Variants in NRG3 observed in about 807,000 individuals in gnomAD.
NRG3 encodes the protein neuregulin 3, also known as pro-neuregulin-3, membrane-bound isoform.
NRG3 carries 31 observed loss-of-function variants against 66.9 expected under a neutral mutation model. The ratio of observed to expected loss-of-function variants is 0.46; its 90% CI spans 0.35 to 0.63. The LOEUF is 0.63. Ranked by LOEUF, NRG3 falls within the 20% of genes least tolerant of loss-of-function variation. The pLI, the probability that NRG3 is intolerant of heterozygous loss-of-function variation, is 0.00. For missense variants in NRG3, 910 were observed against 878.9 expected (o/e 1.04, Z -0.45); for synonymous variants, 393 against 359.4 (o/e 1.09, Z -1.06).
intron 1 of NRG3, among the ~76,000 whole-genome samples, chr10:82,078,143 T>G (rs1244597410): frequency 6.6e-6 from 1 of 152,220 alleles, no homozygotes; most frequent in Non-Finnish European, 1.5e-5. Context: ...TTAATTATTC[T>G]ATTTACCTAC....
At chr10:82,892,345 A>T (rs1843230739) in intron 4 of NRG3, among the ~76,000 whole-genome samples, 1 of 152,120 alleles carries the variant, frequency 6.6e-6, no homozygotes, top group Non-Finnish European at 1.5e-5. Context: ...GGCACAAGAG[A>T]TTCAAAGAGA....
chr10:82,174,098 A>G (rs1048954799), intron 1 of NRG3, among the ~76,000 whole-genome samples: 4 of 152,096 alleles, frequency 2.6e-5, no homozygotes, highest in African/African-American at 4.8e-5. Context: ...AAAATTACCC[A>G]TGTGTGGTAC....
intron 2 of NRG3, among the ~76,000 whole-genome samples, chr10:82,389,039 A>G (rs923504786): frequency 3.3e-5 from 5 of 152,210 alleles, no homozygotes; most frequent in African/African-American, 1.2e-4. Flanking sequence ...AGAAAATACT[A>G]GAACTACTCA....
At chr10:82,121,591 A>G (rs2068094675) in intron 1 of NRG3, among the ~76,000 whole-genome samples, 1 of 152,036 alleles carries the variant, frequency 6.6e-6, no homozygotes, top group African/African-American at 2.4e-5. Flanking sequence ...TTTAGATGAC[A>G]TGTTAGAGTT....
rs184808798 is a variant in NRG3, at chr10:82,618,879, A to G, written c.954-119698A>G. Among the ~76,000 whole-genome samples the G allele has an allele frequency of 1.3e-4, 20 of 152,118 alleles. No individual in the cohort carries two copies. The East Asian group carries it at 2.7e-3, about 21-fold the overall frequency. ...TTTTATGGACGTGTTTAAAGTTTGTAGCAGTGCAAAATTTTAACATATTTC... is the reference window on the plus strand; with the variant it reads ...TTTTATGGACGTGTTTAAAGTTTGTGGCAGTGCAAAATTTTAACATATTTC... On this transcript the variant is annotated intron_variant, in intron 2 of 8. Coordinates refer to ENST00000372141, the MANE Select transcript of NRG3 (RefSeq NM_001010848.4).
intron 2 of NRG3, among the ~76,000 whole-genome samples, chr10:82,366,700 A>G (rs1322358406): frequency 2.0e-5 from 3 of 152,132 alleles, no homozygotes; most frequent in Non-Finnish European, 4.4e-5. Context: ...TTTGCAGAAA[A>G]GAAAAATACA....
At chr10:82,331,216 T>C (rs1214006595) in intron 1 of NRG3, among the ~76,000 whole-genome samples, 1 of 152,182 alleles carries the variant, frequency 6.6e-6, no homozygotes, top group Non-Finnish European at 1.5e-5. Context: ...TCACCTGTTG[T>C]CTTTTCATCT....
At chr10:81,899,667 G>A (rs1440956499) in intron 1 of NRG3, among the ~76,000 whole-genome samples, 1 of 152,148 alleles carries the variant, frequency 6.6e-6, no homozygotes. Flanking sequence ...AGCTACTGAA[G>A]CTGCCCTGGG....
intron 2 of NRG3, among the ~76,000 whole-genome samples, chr10:82,625,541 A>G (rs886424287): frequency 2.0e-5 from 3 of 152,152 alleles, no homozygotes; most frequent in Non-Finnish European, 4.4e-5. Context: ...TTCTTAATGT[A>G]GGGCCCAGCT....
At chr10:82,561,500 C>G (rs1363518064) in intron 2 of NRG3, among the ~76,000 whole-genome samples, 1 of 152,082 alleles carries the variant, frequency 6.6e-6, no homozygotes, top group Non-Finnish European at 1.5e-5. Flanking sequence ...AAAAATACAA[C>G]AAATTAGCCG....
chr10:82,626,058 T>C (rs1226915052), intron 2 of NRG3, among the ~76,000 whole-genome samples: 1 of 152,156 alleles, frequency 6.6e-6, no homozygotes, highest in Admixed American at 6.5e-5. Flanking sequence ...TGATGATTTA[T>C]GTAGATAGGG....
chr10:81,875,890 G>C lies in NRG3; in HGVS notation c.550G>C (p.Ala184Pro). 6.2e-7 allele frequency: 1 copy of C among 1,612,044 alleles called. No individual in the cohort carries two copies. The highest frequency in any genetic ancestry group is 2.2e-5 in the East Asian group (1 of 44,842). Reference sequence around the variant, plus strand: ...CCGGGCCAGCCCGCGCTCCACCACAGCACGGAACACTGCGGCCCCTGCGAC... The same window carrying C: ...CCGGGCCAGCCCGCGCTCCACCACACCACGGAACACTGCGGCCCCTGCGAC... ...PIRASPRSTT[A>P]RNTAAPATVP... The change falls in exon 1 of 9, where the codon GCA becomes CCA. Residue 184 changes from alanine (A) to proline (P), a missense_variant. Coordinates refer to ENST00000372141, the MANE Select transcript of NRG3 (RefSeq NM_001010848.4). This position sits in a 1 kb window ranked among gnomAD's most constrained non-coding sequence, Gnocchi z 5.3.
intron 4 of NRG3, among the ~76,000 whole-genome samples, chr10:82,925,089 G>A (rs1251487740): frequency 3.3e-5 from 5 of 152,110 alleles, no homozygotes; most frequent in African/African-American, 1.2e-4. Flanking sequence ...TTACAGATGA[G>A]GGCCCTGAGA....
chr10:82,295,049 C>T (rs192071518), intron 1 of NRG3, among the ~76,000 whole-genome samples: 4 of 150,610 alleles, frequency 2.7e-5, no homozygotes, highest in Admixed American at 2.6e-4. Flanking sequence ...GGATGAGATT[C>T]ATGTGCTATT....
chr10:82,501,624 G>T (rs182765581), intron 2 of NRG3, among the ~76,000 whole-genome samples: 1 of 152,006 alleles, frequency 6.6e-6, no homozygotes, highest in African/African-American at 2.4e-5. Context: ...CTTCTCAGTG[G>T]CAAGGCTATT....
At chr10:82,189,283 A>G (rs1262734227) in intron 1 of NRG3, among the ~76,000 whole-genome samples, 2 of 152,186 alleles carry the variant, frequency 1.3e-5, no homozygotes, top group African/African-American at 4.8e-5. Flanking sequence ...TTACCAAAAT[A>G]ATAGAGTTAA....
chr10:82,418,113 A>G (rs1240873846), intron 2 of NRG3, among the ~76,000 whole-genome samples: 15 of 152,232 alleles, frequency 9.9e-5, no homozygotes, highest in Non-Finnish European at 1.6e-4. Context: ...GCACCTTTCC[A>G]GAAGGAACTA....
At chr10:82,513,687 G>A (rs1845403778) in intron 2 of NRG3, among the ~76,000 whole-genome samples, 1 of 152,184 alleles carries the variant, frequency 6.6e-6, no homozygotes, top group Non-Finnish European at 1.5e-5. Context: ...GACTGAAGCA[G>A]GAGAATCACT....
chr10:82,795,192 C>G (rs1345877267), intron 3 of NRG3, among the ~76,000 whole-genome samples: 1 of 152,146 alleles, frequency 6.6e-6, no homozygotes, highest in East Asian at 1.9e-4. Flanking sequence ...TATAAAAAAG[C>G]TTTATTGGTA....
Sources: allele counts gnomAD v4.1 joint callset (sites outside exome capture counted in the v4.1 genomes callset), GRCh38; gene constraint gnomAD v4.1.1; non-coding constraint Gnocchi (gnomAD v3.1); transcripts MANE v1.5; gene names NCBI Gene and HGNC (gene_info 2026-07-23, HGNC 2026-07-21).